The following NTM variants were observed in gnomAD, a reference collection of about 807,000 sequenced individuals.
The protein encoded by NTM is neurotrimin, also known as IgLON family member 2.
In NTM, 13 loss-of-function variants were observed where a neutral mutation model predicts 42.1. The observed-to-expected ratio is 0.31, with a 90% CI of 0.20 to 0.49. The LOEUF (loss-of-function observed/expected upper bound fraction) is 0.49. NTM is among the 20% of genes least tolerant of loss of function. The pLI is 0.99. For missense variants in NTM, 373 were observed against 452.8 expected, an observed-to-expected ratio of 0.82 and a Z score of 1.60; for synonymous variants, 187 against 179.2, an observed-to-expected ratio of 1.04 and a Z score of -0.35.
At chr11:131,410,417 T>C (rs1012262916) in intron 1 of NTM, among the ~76,000 whole-genome samples, 7 of 150,960 alleles carry the variant, frequency 4.6e-5, no homozygotes, top group African/African-American at 1.5e-4. Flanking sequence ...ACCCAGGAGT[T>C]TGAGGTTGTA....
rs570785517 is a variant in NTM at position 131,499,421 on chromosome 11, C to G, written c.82+128533C>G. The stretch of plus-strand genomic sequence containing the variant: ...TCCGCCCCCCACTCCCCGTCATCTC[C>G]GCTGTCCCCAGCCCGGTCTGAGCCA... On this transcript the variant is annotated intron_variant, in intron 1 of 8. Transcript: ENST00000683400. 3.0e-3 allele frequency among the ~76,000 whole-genome samples: 464 copies of G among 152,284 alleles called. 1 individual carries two copies. Among genetic ancestry groups the G allele is most frequent in the African/African-American group, 0.011 (446 of 41,558 alleles).
intron 1 of NTM, among the ~76,000 whole-genome samples, chr11:131,412,262 C>G (rs1365980941): frequency 6.6e-6 from 1 of 152,128 alleles, no homozygotes; most frequent in East Asian, 1.9e-4. Flanking sequence ...CAATGACGGA[C>G]TCAGCAGGTT....
intron 1 of NTM, among the ~76,000 whole-genome samples, chr11:131,671,736 T>A (rs2070289280): frequency 6.6e-6 from 1 of 152,140 alleles, no homozygotes; most frequent in Non-Finnish European, 1.5e-5. Context: ...CAGTGGTCGA[T>A]CAAAGAAGTG....
chr11:131,476,060 CAGGG>C (rs1299771921), intron 1 of NTM, among the ~76,000 whole-genome samples: 2 of 151,868 alleles, frequency 1.3e-5, no homozygotes, highest in Non-Finnish European at 2.9e-5. Flanking sequence ...AGGAAGGAGG[CAGGG>C]AGGGAAGAAA....
intron 2 of NTM, chr11:131,981,164 A>G (rs1396272130): frequency 6.6e-6 from 1 of 152,204 alleles, no homozygotes; most frequent in African/African-American, 2.4e-5. Context: ...GTCAACGTGG[A>G]CAAATCCCAA....
intron 3 of NTM, among the ~76,000 whole-genome samples, chr11:132,159,090 G>T (rs2073795488): frequency 6.6e-6 from 1 of 152,154 alleles, no homozygotes; most frequent in Non-Finnish European, 1.5e-5. Context: ...AATGAAGGGT[G>T]GATTGGAGGG....
Position 132,118,164 on chromosome 11 carries a change from A to G in NTM, c.168-28118A>G, listed in dbSNP as rs529188215. Among the ~76,000 whole-genome samples the G allele has an allele frequency of 1.3e-4, 20 of 152,288 alleles. No individual in the cohort carries two copies. In the East Asian group the frequency reaches 3.5e-3, roughly 26 times the overall value. ...GGTAGCTTCAAACATGAATTTCTTT[A>G]GTATTTTAAAAGCGTAAGTTGAGCA... On this transcript the variant is annotated intron_variant, in intron 2 of 8. Transcript: ENST00000683400.
intron 3 of NTM, among the ~76,000 whole-genome samples, chr11:132,161,474 C>G (rs1287163393): frequency 6.9e-6 from 1 of 145,892 alleles, no homozygotes; most frequent in African/African-American, 2.6e-5. Context: ...TTCATGGTGT[C>G]CTATTTCACT....
At chr11:131,817,927 C>T (rs1592064605) in intron 1 of NTM, among the ~76,000 whole-genome samples, 1 of 152,238 alleles carries the variant, frequency 6.6e-6, no homozygotes, top group South Asian at 2.1e-4. Context: ...TGAACTGCAC[C>T]ACTTAGTCTT....
chr11:132,281,398 T>C (rs974794802), intron 4 of NTM, among the ~76,000 whole-genome samples: 1 of 152,240 alleles, frequency 6.6e-6, no homozygotes, highest in East Asian at 1.9e-4. Context: ...AAAAGCTCAG[T>C]GTGCCTCCGA....
intron 2 of NTM, among the ~76,000 whole-genome samples, chr11:132,045,057 C>A (rs920186406): frequency 5.3e-5 from 8 of 152,128 alleles, no homozygotes; most frequent in Non-Finnish European, 1.0e-4. Flanking sequence ...ATACCAAAAT[C>A]TGGTAGAGAT....
chr11:131,523,782 CAAAAAAAA>C (rs3040114), intron 1 of NTM, among the ~76,000 whole-genome samples: 18,106 of 72,058 alleles, frequency 0.25, 1,314 homozygotes, highest in Middle Eastern at 0.36. Context: ...GACTCCATCT[CAAAAAAAA>C]AAAAAAAAAA....
intron 1 of NTM, chr11:131,911,175 C>A (rs2054858536): frequency 6.7e-6 from 9 of 1,339,972 alleles, no homozygotes; most frequent in Non-Finnish European, 6.7e-6. Context: ...GCGCCCACAC[C>A]TTTCACCTGC....
chr11:131,882,375 C>T (rs1327386890), intron 1 of NTM, among the ~76,000 whole-genome samples: 1 of 152,162 alleles, frequency 6.6e-6, no homozygotes, highest in Non-Finnish European at 1.5e-5. Context: ...TCTATTAGAA[C>T]CTTCAACTGA....
chr11:131,730,287 AAAATTG>A (rs1442692377), intron 1 of NTM, among the ~76,000 whole-genome samples: 26 of 152,372 alleles, frequency 1.7e-4, no homozygotes, highest in African/African-American at 5.5e-4. Flanking sequence ...AGACTTAAGT[AAAATTG>A]ACTAAGAAGT....
intron 1 of NTM, among the ~76,000 whole-genome samples, chr11:131,668,659 A>G (rs1268102879): frequency 1.3e-5 from 2 of 152,318 alleles, no homozygotes; most frequent in Admixed American, 1.3e-4. Context: ...AATTAAATTA[A>G]GGAACACAAT....
chr11:131,692,567 G>A (rs1326639907), intron 1 of NTM, among the ~76,000 whole-genome samples: 1 of 152,264 alleles, frequency 6.6e-6, no homozygotes, highest in Non-Finnish European at 1.5e-5. Context: ...AGAGGAGACA[G>A]AATGAGAGTA....
intron 2 of NTM, among the ~76,000 whole-genome samples, chr11:132,093,777 T>G (rs2060637634): frequency 6.6e-6 from 1 of 152,236 alleles, no homozygotes. Context: ...CAATTTCATA[T>G]GCCAGTAACT....
intron 1 of NTM, among the ~76,000 whole-genome samples, chr11:131,659,374 A>G (rs1479499176): frequency 6.6e-6 from 1 of 152,196 alleles, no homozygotes; most frequent in Non-Finnish European, 1.5e-5. Flanking sequence ...CAGGTGAGAG[A>G]GCTGCAGGGA....
Sources: allele counts gnomAD v4.1 joint callset (sites outside exome capture counted in the v4.1 genomes callset), GRCh38; gene constraint gnomAD v4.1.1; transcripts MANE v1.5; gene names NCBI Gene and HGNC (gene_info 2026-07-23, HGNC 2026-07-21).